Variants in ADAMTSL1 observed in about 807,000 individuals in gnomAD.
ADAMTSL1 encodes the protein ADAMTS-like protein 1.
Under a neutral mutation model 201.8 loss-of-function variants are expected in ADAMTSL1, and 126 were observed. That is an observed-to-expected ratio of 0.62 (90% CI 0.54 to 0.72). The LOEUF is 0.72. Among genes scored for constraint, ADAMTSL1 ranks in the 30% least tolerant of loss-of-function variants. The pLI, the probability that ADAMTSL1 is intolerant of heterozygous loss-of-function variation, is 0.00. For synonymous variants in ADAMTSL1, 1,121 were observed against 903.4 expected (o/e 1.24, Z -4.32); for missense variants, 2,679 against 2,277.8 (o/e 1.18, Z -3.59).
chr9:18,825,658 C>G (rs992163138), intron 21 of ADAMTSL1, among the ~76,000 whole-genome samples: 14 of 152,132 alleles, frequency 9.2e-5, no homozygotes, highest in Admixed American at 5.2e-4. Flanking sequence ...CAGACCAGCC[C>G]CCGGTCAAGA....
intron 1 of ADAMTSL1, among the ~76,000 whole-genome samples, chr9:18,071,447 G>C (rs1192881949): frequency 6.6e-6 from 1 of 152,198 alleles, no homozygotes; most frequent in Non-Finnish European, 1.5e-5. Flanking sequence ...AAAGGAACCG[G>C]AGTTCAGAAT....
intron 2 of ADAMTSL1, among the ~76,000 whole-genome samples, chr9:18,281,108 C>T (rs769219801): frequency 6.6e-6 from 1 of 152,026 alleles, no homozygotes; most frequent in Non-Finnish European, 1.5e-5. Flanking sequence ...GAAGAAAAGG[C>T]CCACATACAC....
At chr9:18,798,109 A>AT (rs1239036903) in intron 20 of ADAMTSL1, among the ~76,000 whole-genome samples, 2 of 150,338 alleles carry the variant, frequency 1.3e-5, no homozygotes, top group Non-Finnish European at 3.0e-5. Context: ...AAAAAAAAAA[A>AT]CTTTGAGCCT....
chr9:18,339,736 G>A (rs1438236547), intron 2 of ADAMTSL1, among the ~76,000 whole-genome samples: 2 of 152,156 alleles, frequency 1.3e-5, no homozygotes, highest in South Asian at 2.1e-4. Context: ...CACTGCTTCA[G>A]GTCTGATTAT....
At chr9:18,302,721 TA>T (rs1211379411) in intron 2 of ADAMTSL1, among the ~76,000 whole-genome samples, 1 of 152,210 alleles carries the variant, frequency 6.6e-6, no homozygotes, top group Non-Finnish European at 1.5e-5. Context: ...AATGCTGTCT[TA>T]TGTTTCTTAC....
Position 18,889,693 on chromosome 9 carries a change from A to G in ADAMTSL1, c.4588A>G (p.Lys1530Glu). ...TEVNPAHCAG[K>E]VRPAVQPIAC... Reference sequence around the variant, plus strand: ...GGTCAACCCTGCCCACTGCGCAGGGAAGGTTCGCCCTGCGGTGCAGCCCAT... The same window carrying G: ...GGTCAACCCTGCCCACTGCGCAGGGGAGGTTCGCCCTGCGGTGCAGCCCAT... The change falls in exon 25 of 29, where the codon AAG becomes GAG. Residue 1530 changes from lysine to glutamate, a missense_variant. Lys to Glu is a moderately conservative substitution (Grantham distance 56, BLOSUM62 1). Transcript: ENST00000380548. 1 of 1,591,184 alleles carries G rather than the reference A, an allele frequency of 6.3e-7. No homozygotes were observed. The highest frequency in any genetic ancestry group is 8.6e-7 in the Non-Finnish European group (1 of 1,168,350).
At chr9:18,111,936 A>T (rs184134739) in intron 1 of ADAMTSL1, among the ~76,000 whole-genome samples, 2 of 152,154 alleles carry the variant, frequency 1.3e-5, no homozygotes, top group Admixed American at 1.3e-4. Context: ...TAAGCATCTA[A>T]TGGTAAGTTT....
chr9:18,492,181 A>G (rs1264208978), intron 1 of ADAMTSL1, among the ~76,000 whole-genome samples: 1 of 152,198 alleles, frequency 6.6e-6, no homozygotes, highest in Non-Finnish European at 1.5e-5. Context: ...AAAGTATGTC[A>G]TGAAGATTAT....
chr9:18,542,908 G>T (rs185130978), intron 3 of ADAMTSL1, among the ~76,000 whole-genome samples: 11 of 152,204 alleles, frequency 7.2e-5, no homozygotes, highest in Non-Finnish European at 1.3e-4. Flanking sequence ...TGATTGTTTT[G>T]CCAAGTGACA....
Position 18,753,359 on chromosome 9 carries a change from G to C in ADAMTSL1, c.2068G>C (p.Asp690His). The stretch of plus-strand genomic sequence containing the variant: ...ATGTGGGGTCGGCCTACAGACCAGA[G>C]ACGTCTTCTGCAGCCACCTGCTTTC... ...LTCGVGLQTR[D>H]VFCSHLLSRE... Residue 690 changes from aspartate to histidine, a missense_variant, in exon 16 of 29, where the codon GAC becomes CAC. Transcript: ENST00000380548. 6.2e-7 allele frequency: 1 copy of C among 1,612,472 alleles called. No homozygotes were observed. Among genetic ancestry groups the C allele is most frequent in the Non-Finnish European group, 8.5e-7 (1 of 1,179,352 alleles).
intron 2 of ADAMTSL1, among the ~76,000 whole-genome samples, chr9:18,284,594 A>T (rs1832923907): frequency 6.6e-6 from 1 of 152,238 alleles, no homozygotes. Context: ...GTAACCAGGC[A>T]GTCTGAGTCC....
intron 23 of ADAMTSL1, among the ~76,000 whole-genome samples, chr9:18,845,346 C>T (rs1826036480): frequency 1.3e-5 from 2 of 152,242 alleles, no homozygotes; most frequent in Non-Finnish European, 2.9e-5. Context: ...AAGATGTGGG[C>T]AGTCATTCCA....
At chr9:18,569,476 G>A (rs909334948) in intron 3 of ADAMTSL1, among the ~76,000 whole-genome samples, 1 of 152,170 alleles carries the variant, frequency 6.6e-6, no homozygotes, top group Non-Finnish European at 1.5e-5. Context: ...ATGACACAGA[G>A]CTGTCAAGCC....
chr9:17,926,985 C>T (rs184253894), intron 1 of ADAMTSL1, among the ~76,000 whole-genome samples: 1 of 152,190 alleles, frequency 6.6e-6, no homozygotes, highest in East Asian at 1.9e-4. Flanking sequence ...GTTGTACAAC[C>T]ATCATTACCA....
At chr9:18,859,858 T>C (rs768421152) in intron 23 of ADAMTSL1, among the ~76,000 whole-genome samples, 1 of 152,210 alleles carries the variant, frequency 6.6e-6, no homozygotes, top group Non-Finnish European at 1.5e-5. Flanking sequence ...TCAATATCTT[T>C]TGGGGTACAA....
intron 2 of ADAMTSL1, among the ~76,000 whole-genome samples, chr9:18,305,424 C>T (rs1289233832): frequency 6.6e-6 from 1 of 152,192 alleles, no homozygotes; most frequent in Non-Finnish European, 1.5e-5. Flanking sequence ...GGGATCCGAC[C>T]CCCACAGAGC....
At chr9:18,469,672 G>A (rs1821132694), upstream of ADAMTSL1, among the ~76,000 whole-genome samples, 1 of 152,226 alleles carries the variant, frequency 6.6e-6, no homozygotes, top group African/African-American at 2.4e-5. Context: ...ATAAATGCAT[G>A]TCCCATGCCT....
intron 2 of ADAMTSL1, among the ~76,000 whole-genome samples, chr9:18,224,713 G>A (rs1474314833): frequency 6.6e-6 from 1 of 152,020 alleles, no homozygotes. Context: ...TACCTCATTT[G>A]CCAGCGGCTT....
At position 18,720,656 on chromosome 9, in the gene ADAMTSL1, G is replaced by A. The variant is rs529368518; in HGVS notation, c.1877-880G>A. Among the ~76,000 whole-genome samples the A allele has an allele frequency of 4.6e-5, 7 of 152,242 alleles. No individual in the cohort carries two copies. The East Asian group carries it at 5.8e-4, about 13-fold the overall frequency. Reference sequence around the variant, plus strand: ...AAATTAGCCGGCCATGGTGGCACACGCCTGTAATCCCAGCTACTCGGGAGG... The same window carrying A: ...AAATTAGCCGGCCATGGTGGCACACACCTGTAATCCCAGCTACTCGGGAGG... On this transcript the variant is annotated intron_variant, in intron 14 of 28. Transcript: ENST00000380548.
Sources: gnomAD v4.1 joint callset for allele counts (sites outside exome capture counted in the v4.1 genomes callset) on GRCh38, gnomAD v4.1.1 for gene constraint, MANE v1.5 for transcripts, NCBI Gene and HGNC (gene_info 2026-07-23, HGNC 2026-07-21) for gene names.